TIMP4: variants seen among roughly 807,000 people sequenced by gnomAD.
The protein encoded by TIMP4 is metalloproteinase inhibitor 4.
Under a neutral mutation model 27.3 loss-of-function variants are expected in TIMP4, and 28 were observed. The ratio of observed to expected loss-of-function variants is 1.03; its 90% confidence interval spans 0.76 to 1.41. TIMP4 has a LOEUF of 1.41. Ranked by LOEUF, TIMP4 falls within the 40% of genes most tolerant of loss-of-function variation. The probability of loss-of-function intolerance (pLI) is 0.00; values close to 1 mark genes in which losing one functional copy is unlikely to be tolerated. For missense variants in TIMP4, 307 were observed against 285.5 expected, an observed-to-expected ratio of 1.08 and a Z score of -0.54; for synonymous variants, 138 against 115.5, an observed-to-expected ratio of 1.20 and a Z score of -1.25.
chr3:12,153,852 T>C, intron 4 of TIMP4, 140 bp from the exon 5 acceptor site: 1 of 886,312 alleles, frequency 1.1e-6, no homozygotes, highest in Non-Finnish European at 1.7e-6. Flanking sequence ...CCCAGTCTTC[T>C]CCTGGATTCT....
Position 12,156,950 on chromosome 3 carries a change from A to G in TIMP4, c.238-16T>C, listed in dbSNP as rs767828618. 6.3e-7 allele frequency: 1 copy of G among 1,577,388 alleles called. No homozygotes were observed. The highest frequency in any genetic ancestry group is 8.7e-7 in the Non-Finnish European group (1 of 1,147,476). ...CTTTGAACATCTGACAGGCAATTAC[A>G]AAAAAAGGCAATATTGGGTCAGTGA... On this transcript the variant is annotated splice_polypyrimidine_tract_variant and intron_variant, in intron 2 of 4. Coordinates refer to ENST00000287814, the MANE Select transcript of TIMP4 (RefSeq NM_003256.4).
rs1424012626 is a variant in TIMP4, at chr3:12,156,942, G to A, written c.238-8C>T. On this transcript the variant is annotated splice_region_variant and splice_polypyrimidine_tract_variant and intron_variant, in intron 2 of 4. Coordinates refer to ENST00000287814, the MANE Select transcript of TIMP4 (RefSeq NM_003256.4). The stretch of plus-strand genomic sequence containing the variant: ...CTCAAACCCTTTGAACATCTGACAG[G>A]CAATTACAAAAAAAGGCAATATTGG... The A allele has an allele frequency of 5.6e-6, 9 of 1,605,332 alleles. No individual in the cohort carries two copies. Among genetic ancestry groups the A allele is most frequent in the Non-Finnish European group, 6.8e-6 (8 of 1,173,090 alleles).
rs1028317203 is a variant in TIMP4, at chr3:12,153,089, G to A, written c.*426C>T. 7 of 239,316 alleles carry A rather than the reference G, an allele frequency of 2.9e-5. No homozygotes were observed. The highest frequency in any genetic ancestry group is 5.1e-5 in the Non-Finnish European group (6 of 118,198). The allele number at this position is 239,316 out of a possible 1,614,324, so 14.8% of individuals were successfully genotyped here. A position where few individuals can be genotyped will look rare whatever the true frequency, so the allele number is the denominator to read the frequency against. The stretch of plus-strand genomic sequence containing the variant: ...TATGTTCTTGTTTTCATTCCTGCCA[G>A]TCAGCCTGTTTATGATGCTGTCAAA... On this transcript the variant is annotated 3_prime_UTR_variant, in exon 5 of 5. Transcript: ENST00000287814.
intron 2 of TIMP4, 34 bp downstream of exon 2, chr3:12,157,351 T>G (rs1409576970): frequency 6.2e-7 from 1 of 1,600,178 alleles, no homozygotes; most frequent in Non-Finnish European, 8.6e-7. Flanking sequence ...CCATCAGCCT[T>G]AGGGGCTACA....
At chr3:12,158,146 G>A (rs1697513986) in intron 1 of TIMP4, among the ~76,000 whole-genome samples, 1 of 152,124 alleles carries the variant, frequency 6.6e-6, no homozygotes, top group Admixed American at 6.5e-5. Flanking sequence ...ATGCTGAGGC[G>A]GCACCAAGGA....
At position 12,157,373 on chromosome 3, in the gene TIMP4, G is replaced by T. The variant is rs763056611; in HGVS notation, c.237+12C>A. On this transcript the variant is annotated intron_variant, in intron 2 of 4. Coordinates refer to ENST00000287814, the MANE Select transcript of TIMP4 (RefSeq NM_003256.4). ...CCTTAGGGGCTACACATCCCAGCCT[G>T]CCCCCATGTACCTTTATCTGTTTGA... The T allele has an allele frequency of 3.1e-6, 5 of 1,612,712 alleles. No homozygotes were observed. The highest frequency in any genetic ancestry group is 4.2e-6 in the Non-Finnish European group (5 of 1,178,830).
intron 1 of TIMP4, among the ~76,000 whole-genome samples, chr3:12,158,161 G>A (rs1198179602): frequency 4.6e-5 from 7 of 152,152 alleles, no homozygotes; most frequent in South Asian, 2.1e-4. Context: ...CAAGGAGCCC[G>A]GGAGCCTGCA....
In TIMP4 at chr3:12,153,745, T is replaced by C. The variant is rs377171247; in HGVS notation, c.478-33A>G. The C allele has an allele frequency of 3.7e-6, 6 of 1,608,794 alleles. No homozygotes were observed. The African/African-American group carries it at 5.3e-5, about 14-fold the overall frequency. On this transcript the variant is annotated intron_variant, in intron 4 of 4. Transcript: ENST00000287814. ...CATGGCCACACAACATTAAAGTGAGTAGGGTGTCCTTCTTTTTCCATTGCT... is the reference window on the plus strand; with the variant it reads ...CATGGCCACACAACATTAAAGTGAGCAGGGTGTCCTTCTTTTTCCATTGCT...
rs1425888152 is a variant in TIMP4 at position 12,153,171 on chromosome 3, C to T, written c.*344G>A. On this transcript the variant is annotated 3_prime_UTR_variant, in exon 5 of 5. Transcript: ENST00000287814. The stretch of plus-strand genomic sequence containing the variant: ...TACCATCTCATGTGTATGACATTCG[C>T]CATTTCTCCCCTACCAGATCGATTA... The T allele has an allele frequency of 5.3e-6, 2 of 375,810 alleles. No individual in the cohort carries two copies. The highest frequency in any genetic ancestry group is 1.0e-5 in the Non-Finnish European group (2 of 196,494). 23.3% of individuals were successfully genotyped at this position (375,810 alleles called of 1,614,324 possible). A position where few individuals can be genotyped will look rare whatever the true frequency, so the allele number is the denominator to read the frequency against.
intron 3 of TIMP4, among the ~76,000 whole-genome samples, 160 bp from the exon 4 acceptor site, chr3:12,154,611 A>G (rs965797692): frequency 6.6e-6 from 1 of 152,126 alleles, no homozygotes; most frequent in African/African-American, 2.4e-5. Flanking sequence ...AAACTACTAT[A>G]ATCTTTCTAG....
At position 12,153,448 on chromosome 3, in the gene TIMP4, C is replaced by T; in HGVS notation, c.*67G>A. 1.3e-6 allele frequency: 2 copies of T among 1,582,606 alleles called. No individual in the cohort carries two copies. Among genetic ancestry groups the T allele is most frequent in the Non-Finnish European group, 1.7e-6 (2 of 1,153,764 alleles). ...AGGTCAGGTGGTAATGGCCAAAGCT[C>T]TGCAGGGAAGGAGAACTGGCTTGAT... On this transcript the variant is annotated 3_prime_UTR_variant, in exon 5 of 5. Coordinates refer to ENST00000287814, the MANE Select transcript of TIMP4 (RefSeq NM_003256.4).
intron 4 of TIMP4, 98 bp downstream of exon 4, chr3:12,154,228 TC>T: frequency 1.3e-6 from 2 of 1,544,134 alleles, no homozygotes; most frequent in South Asian, 2.4e-5. Flanking sequence ...ACAGTGCAGA[TC>T]TCAAGTATAG....
intron 4 of TIMP4, 44 bp downstream of exon 4, chr3:12,154,283 C>T (rs368893289): frequency 1.5e-5 from 24 of 1,613,346 alleles, no homozygotes; most frequent in South Asian, 3.3e-5. Flanking sequence ...GGCTCAGAAC[C>T]CTTCCCCCAT....
chr3:12,156,619 A>G (rs373851439), intron 3 of TIMP4, among the ~76,000 whole-genome samples: 49 of 152,308 alleles, frequency 3.2e-4, no homozygotes, highest in African/African-American at 1.0e-3. Flanking sequence ...TCACTGTACT[A>G]AGAACTCTTA....
In TIMP4 at chr3:12,153,677, C is replaced by A. The variant is rs772534309; in HGVS notation, c.513G>T (p.Ser171=). The A allele has an allele frequency of 4.3e-6, 7 of 1,614,170 alleles. No homozygotes were observed. The highest frequency in any genetic ancestry group is 5.9e-6 in the Non-Finnish European group (7 of 1,180,032). Residue 171 remains serine (S), a synonymous_variant, in exon 5 of 5, where the codon TCG becomes TCT. Transcript: ENST00000287814. ...CTGTCCAGAGGCACTCGTTAGGGGCCGAGATGGTACAGGGTACTGTGTAGC... is the reference window on the plus strand; with the variant it reads ...CTGTCCAGAGGCACTCGTTAGGGGCAGAGATGGTACAGGGTACTGTGTAGC... ...TTCYTVPCTI[S]APNECLWTDW...
At chr3:12,154,762 T>G (rs1192131638) in intron 3 of TIMP4, among the ~76,000 whole-genome samples, 4 of 152,172 alleles carry the variant, frequency 2.6e-5, no homozygotes, top group Non-Finnish European at 5.9e-5. Context: ...TTTCTGTCAT[T>G]TACTAGCTGA....
At position 12,157,492 on chromosome 3, in the gene TIMP4, A is replaced by G; in HGVS notation, c.140-10T>C. The stretch of plus-strand genomic sequence containing the variant: ...ATTTTGGCCCGAATCACTGCATAGG[A>G]AGAGAAAAGAGGGAACCTTCAGCAG... On this transcript the variant is annotated splice_polypyrimidine_tract_variant and intron_variant, in intron 1 of 4. Coordinates refer to ENST00000287814, the MANE Select transcript of TIMP4 (RefSeq NM_003256.4). 1 of 1,613,836 alleles carries G rather than the reference A, an allele frequency of 6.2e-7. No individual in the cohort carries two copies. Among genetic ancestry groups the G allele is most frequent in the Non-Finnish European group, 8.5e-7 (1 of 1,179,786 alleles).
chr3:12,157,022 A>G (rs751610971), intron 2 of TIMP4, 88 bp from the exon 3 acceptor site: 134 of 956,236 alleles, frequency 1.4e-4, no homozygotes, highest in Non-Finnish European at 2.0e-4. Context: ...TTCTCAGCCT[A>G]AAAATGTAAG....
chr3:12,158,293 A>G (rs1317482868), intron 1 of TIMP4, among the ~76,000 whole-genome samples: 3 of 152,192 alleles, frequency 2.0e-5, no homozygotes, highest in Non-Finnish European at 2.9e-5. Flanking sequence ...GTGTGTTGCC[A>G]TAGGGGCTTG....
Sources: allele counts gnomAD v4.1 joint callset (sites outside exome capture counted in the v4.1 genomes callset), GRCh38; gene constraint gnomAD v4.1.1; transcripts MANE v1.5; gene names NCBI Gene and HGNC (gene_info 2026-07-23, HGNC 2026-07-21).